The following PCDHGA1 variants were observed in gnomAD, a reference collection of about 807,000 sequenced individuals.
PCDHGA1 encodes the protein protocadherin gamma subfamily A, 1, also known as protocadherin gamma-A1.
A neutral mutation model predicts 58.0 loss-of-function variants in PCDHGA1; 32 were observed. The ratio of observed to expected loss-of-function variants is 0.55; its 90% CI spans 0.42 to 0.74. The LOEUF (loss-of-function observed/expected upper bound fraction) is 0.74. PCDHGA1 is among the 30% of genes least tolerant of loss of function. PCDHGA1 has a pLI of 0.00. For synonymous variants in PCDHGA1, 498 were observed against 501.1 expected, an observed-to-expected ratio of 0.99 and a Z score of 0.08; for missense variants, 1,205 against 1,182.3, an observed-to-expected ratio of 1.02 and a Z score of -0.28.
chr5:141,433,199 ATCT>A (rs1202688924), intron 1 of PCDHGA1: 4 of 1,579,570 alleles, frequency 2.5e-6, no homozygotes, highest in East Asian at 2.2e-5. Context: ...TTTATATCAA[ATCT>A]TCTTTCTTTT....
Position 141,489,600 on chromosome 5 carries a change from G to A in PCDHGA1, c.2422-5207G>A, listed in dbSNP as rs1407225048. 8.1e-6 allele frequency: 13 copies of A among 1,614,034 alleles called. No homozygotes were observed. Among genetic ancestry groups the A allele is most frequent in the Non-Finnish European group, 1.1e-5 (13 of 1,179,962 alleles). ...ACCCCCTGGAGCTAATCCGTGTAGA[G>A]GTAGAGATCCTGGATCTCAATGACA... On this transcript the variant is annotated intron_variant, in intron 1 of 3. Transcript: ENST00000517417. This position sits in a 1 kb window ranked among gnomAD's most constrained non-coding sequence, Gnocchi z 4.5.
intron 1 of PCDHGA1, among the ~76,000 whole-genome samples, chr5:141,471,071 C>T (rs1208702673): frequency 7.7e-6 from 1 of 129,696 alleles, no homozygotes; most frequent in Non-Finnish European, 1.6e-5. Context: ...TTTTTTGAGA[C>T]AGGGTCTCCC....
rs1188870363 is a variant in PCDHGA1 at position 141,490,058 on chromosome 5, C to A, written c.2422-4749C>A. 16 of 1,614,230 alleles carry A rather than the reference C, an allele frequency of 9.9e-6. No individual in the cohort carries two copies. In the East Asian group the frequency reaches 3.6e-4, roughly 36 times the overall value. The stretch of plus-strand genomic sequence containing the variant: ...AATGCCACTGATCCAGACGAGGGCA[C>A]CAACGGCCAACTAGACTATTCTTTT... On this transcript the variant is annotated intron_variant, in intron 1 of 3. Coordinates refer to ENST00000517417, the MANE Select transcript of PCDHGA1 (RefSeq NM_018912.3). This position sits in a 1 kb window ranked among gnomAD's most constrained non-coding sequence, Gnocchi z 5.4.
chr5:141,352,307 G>A, intron 1 of PCDHGA1: 4 of 1,614,058 alleles, frequency 2.5e-6, no homozygotes, highest in Non-Finnish European at 3.4e-6. Context: ...CCCCCAGACG[G>A]AACTGCAGTT....
chr5:141,363,164 T>A (rs113012267), intron 1 of PCDHGA1, among the ~76,000 whole-genome samples: 2 of 152,380 alleles, frequency 1.3e-5, no homozygotes, highest in South Asian at 2.1e-4. Context: ...AATCATTCTC[T>A]AACATGCATT....
chr5:141,511,358 G>T lies in PCDHGA1; in HGVS notation c.*185G>T, dbSNP rs905197337. 1.5e-6 allele frequency: 2 copies of T among 1,355,398 alleles called. No homozygotes were observed. Among genetic ancestry groups the T allele is most frequent in the East Asian group, 2.5e-5 (1 of 39,588 alleles). The allele number at this position is 1,355,398 out of a possible 1,614,324, so 84.0% of individuals were successfully genotyped here. ...GCACCTACCCCTTCCCCCCCAGGGGGTTGAATATGCAAAAGCAGTTCCGCT... is the reference window on the plus strand; with the variant it reads ...GCACCTACCCCTTCCCCCCCAGGGGTTTGAATATGCAAAAGCAGTTCCGCT... On this transcript the variant is annotated 3_prime_UTR_variant, in exon 4 of 4. Coordinates refer to ENST00000517417, the MANE Select transcript of PCDHGA1 (RefSeq NM_018912.3).
chr5:141,483,660 G>GTCTGTA (rs2099584988), intron 1 of PCDHGA1, among the ~76,000 whole-genome samples: 1 of 152,094 alleles, frequency 6.6e-6, no homozygotes, highest in Non-Finnish European at 1.5e-5. Context: ...GTGTGTGTGT[G>GTCTGTA]TGTGTGTGTA....
chr5:141,376,018 C>G (rs761668305), intron 1 of PCDHGA1: 2 of 1,613,312 alleles, frequency 1.2e-6, no homozygotes, highest in Admixed American at 1.7e-5. Context: ...TAGTGGTGGC[C>G]GTCCAGGACC....
At position 141,431,108 on chromosome 5, in the gene PCDHGA1, T is replaced by C; in HGVS notation, c.2422-63699T>C. 1 of 1,614,180 alleles carries C rather than the reference T, an allele frequency of 6.2e-7. No homozygotes were observed. The highest frequency in any genetic ancestry group is 8.5e-7 in the Non-Finnish European group (1 of 1,180,032). On this transcript the variant is annotated intron_variant, in intron 1 of 3. Coordinates refer to ENST00000517417, the MANE Select transcript of PCDHGA1 (RefSeq NM_018912.3). This position sits in a 1 kb window ranked among gnomAD's most constrained non-coding sequence, Gnocchi z 4.8. ...TCTGATGGAGGATAAAGTGAAAATATATGGAGTAGAAGTAGAAGTAAGGGA... is the reference window on the plus strand; with the variant it reads ...TCTGATGGAGGATAAAGTGAAAATACATGGAGTAGAAGTAGAAGTAAGGGA...
chr5:141,394,298 G>A (rs763864270), intron 1 of PCDHGA1: 1 of 1,613,840 alleles, frequency 6.2e-7, no homozygotes, highest in African/African-American at 1.3e-5. Context: ...CCGAGGACAC[G>A]CTGCAGGGGG....
Position 141,447,955 on chromosome 5 carries a change from G to A in PCDHGA1, c.2422-46852G>A, listed in dbSNP as rs536740280. On this transcript the variant is annotated intron_variant, in intron 1 of 3. Coordinates refer to ENST00000517417, the MANE Select transcript of PCDHGA1 (RefSeq NM_018912.3). ...ACAAAAATTAGCTGGGCATGGTGGC[G>A]GACACCTATAATCCCAGCTACTCGG... Among the ~76,000 whole-genome samples the A allele has an allele frequency of 1.6e-4, 24 of 151,898 alleles. 1 individual carries two copies. The highest frequency in any genetic ancestry group is 8.3e-4 in the South Asian group (4 of 4,816).
chr5:141,390,295 A>G (rs1371103397), intron 1 of PCDHGA1: 2 of 1,613,930 alleles, frequency 1.2e-6, no homozygotes, highest in South Asian at 2.2e-5. Flanking sequence ...AGTTTCCTTT[A>G]AGTATAATTT....
intron 1 of PCDHGA1, among the ~76,000 whole-genome samples, chr5:141,483,207 A>C (rs1225621725): frequency 6.6e-6 from 1 of 152,224 alleles, no homozygotes; most frequent in African/African-American, 2.4e-5. Flanking sequence ...TATTCCATAT[A>C]GATGACAGTC....
intron 1 of PCDHGA1, chr5:141,384,638 G>A: frequency 1.2e-6 from 2 of 1,614,188 alleles, no homozygotes; most frequent in Non-Finnish European, 8.5e-7. Flanking sequence ...CTGGCACCCC[G>A]CTCCGCAGAG....
intron 1 of PCDHGA1, chr5:141,399,842 A>T (rs749737928): frequency 6.2e-7 from 1 of 1,612,970 alleles, no homozygotes; most frequent in South Asian, 1.1e-5. Context: ...GCGCTCTTCG[A>T]TATGGTGCCG....
chr5:141,394,592 G>C (rs754585576), intron 1 of PCDHGA1: 84 of 1,613,642 alleles, frequency 5.2e-5, no homozygotes, highest in South Asian at 3.7e-4. Context: ...AGGTGGTGGC[G>C]GTGGACAGAG....
chr5:141,360,903 G>C (rs752031820), intron 1 of PCDHGA1: 2 of 1,614,034 alleles, frequency 1.2e-6, no homozygotes, highest in East Asian at 4.5e-5. Context: ...AGGACGTGCC[G>C]CCGGGCTTCT....
chr5:141,372,791 T>C, intron 1 of PCDHGA1: 2 of 1,600,738 alleles, frequency 1.2e-6, no homozygotes, highest in Non-Finnish European at 8.5e-7. Flanking sequence ...TGCCTTCTAA[T>C]TCAGGCAATT....
At chr5:141,341,078 G>A (rs748735734) in intron 1 of PCDHGA1, 3 of 1,614,136 alleles carry the variant, frequency 1.9e-6, no homozygotes, top group South Asian at 2.2e-5. Flanking sequence ...GGTCTCCTGC[G>A]TCTTCCTGGC....
Sources: allele counts gnomAD v4.1 joint callset (sites outside exome capture counted in the v4.1 genomes callset), GRCh38; gene constraint gnomAD v4.1.1; non-coding constraint Gnocchi (gnomAD v3.1); transcripts MANE v1.5; gene names NCBI Gene and HGNC (gene_info 2026-07-23, HGNC 2026-07-21).